Variants in ANK3 observed in about 807,000 individuals in gnomAD.
ANK3 encodes the protein ankyrin 3, also known as ankyrin-3.
A neutral mutation model predicts 370.9 loss-of-function variants in ANK3; 57 were observed. The ratio of observed to expected loss-of-function variants is 0.15; its 90% CI spans 0.12 to 0.19. The LOEUF is 0.19. Ranked by LOEUF, ANK3 falls within the 10% of genes least tolerant of loss-of-function variation. The pLI, the probability that ANK3 is intolerant of heterozygous loss-of-function variation, is 1.00. For missense variants in ANK3, 4,439 were observed against 5,302.1 expected (o/e 0.84, Z 5.06); for synonymous variants, 1,929 against 1,946.3 (o/e 0.99, Z 0.23).
At chr10:60,263,120 A>G (rs2097832757) in intron 6 of ANK3, among the ~76,000 whole-genome samples, 1 of 152,166 alleles carries the variant, frequency 6.6e-6, no homozygotes, top group African/African-American at 2.4e-5. Flanking sequence ...GCATATATAT[A>G]TATACCTCTG....
At chr10:60,632,892 A>C (rs980505245) in intron 1 of ANK3, among the ~76,000 whole-genome samples, 12 of 102,230 alleles carry the variant, frequency 1.2e-4, no homozygotes, top group African/African-American at 3.6e-4. Context: ...CAAAAACAAA[A>C]AAATAAAAAA....
At chr10:60,144,059 AC>A in intron 23 of ANK3, 1 of 269,964 alleles carries the variant, frequency 3.7e-6, no homozygotes, top group Non-Finnish European at 7.2e-6. Flanking sequence ...GAATGAAGAC[AC>A]CATCTTGGAC....
At chr10:60,632,925 C>A (rs552192806) in intron 1 of ANK3, among the ~76,000 whole-genome samples, 58 of 151,408 alleles carry the variant, frequency 3.8e-4, no homozygotes, top group Admixed American at 9.9e-4. Flanking sequence ...CATACTTATT[C>A]TTGCTTTGAT....
At chr10:60,506,812 T>G (rs1035213914) in intron 2 of ANK3, among the ~76,000 whole-genome samples, 1 of 152,130 alleles carries the variant, frequency 6.6e-6, no homozygotes, top group Non-Finnish European at 1.5e-5. Flanking sequence ...CCCAGTTCTC[T>G]CAAGGCCTCA....
chr10:60,413,242 T>C (rs140042165), intron 2 of ANK3, among the ~76,000 whole-genome samples: 182 of 152,356 alleles, frequency 1.2e-3, no homozygotes, highest in African/African-American at 4.1e-3. Flanking sequence ...AAGAAGTCTA[T>C]TTCCTCTTCT....
chr10:60,592,530 C>T (rs929414449), intron 2 of ANK3, among the ~76,000 whole-genome samples: 4 of 152,134 alleles, frequency 2.6e-5, no homozygotes, highest in Admixed American at 6.5e-5. Flanking sequence ...GAGGCCAAGG[C>T]GGGTGGATCA....
intron 40 of ANK3, chr10:60,059,872 T>C (rs1237365545): frequency 1.2e-6 from 2 of 1,614,240 alleles, no homozygotes; most frequent in Non-Finnish European, 1.7e-6. Context: ...AGCCCATCAC[T>C]CAGTCTACTA....
intron 2 of ANK3, among the ~76,000 whole-genome samples, chr10:60,405,006 A>T (rs577212382): frequency 2.0e-5 from 3 of 152,330 alleles, no homozygotes; most frequent in Admixed American, 2.0e-4. Flanking sequence ...GAAAGGCTAA[A>T]ATTAAAGACT....
intron 8 of ANK3, among the ~76,000 whole-genome samples, chr10:60,219,180 T>C (rs907982794): frequency 6.6e-6 from 1 of 152,094 alleles, no homozygotes; most frequent in Non-Finnish European, 1.5e-5. Flanking sequence ...GCAATTCCTC[T>C]AACCTTTTAT....
intron 1 of ANK3, among the ~76,000 whole-genome samples, chr10:60,383,105 C>T (rs996934610): frequency 1.3e-5 from 2 of 151,954 alleles, no homozygotes; most frequent in Non-Finnish European, 2.9e-5. Context: ...AAACTTACAA[C>T]CACACAGGCC....
chr10:60,377,174 G>T (rs2060899968), intron 1 of ANK3, among the ~76,000 whole-genome samples: 1 of 152,198 alleles, frequency 6.6e-6, no homozygotes, highest in African/African-American at 2.4e-5. Context: ...GCAGGTCCTT[G>T]CAGAAGAGGG....
rs143105069 is a variant in ANK3 at position 60,211,197 on chromosome 10, C to T, written c.996+2215G>A. On this transcript the variant is annotated intron_variant, in intron 9 of 43. Transcript: ENST00000280772. ...TGTATGGAGCCGTCAGGTCTCCAGG[C>T]CCTTCCCAACTCAGCAAAGTCAGGT... is the stretch of plus-strand genomic sequence containing the variant. Among the ~76,000 whole-genome samples, 760 of 152,232 alleles carry T rather than the reference C, an allele frequency of 5.0e-3. 3 individuals carry two copies. The highest frequency in any genetic ancestry group is 0.016 in the African/African-American group (673 of 41,530).
chr10:60,036,222 A>G (rs2131846246), intron 43 of ANK3, among the ~76,000 whole-genome samples: 1 of 152,240 alleles, frequency 6.6e-6, no homozygotes, highest in Admixed American at 6.5e-5. Flanking sequence ...GATTTCAGAC[A>G]CTGCTGTTCT....
rs372831440 is a variant in ANK3 at position 60,073,767 on chromosome 10, G to A, written c.7114C>T (p.Leu2372=). ...QKDLSRGDIN[L]KDFLPEKHDA... ...TGTTTTTCTGGCAGAAAATCTTTTAGGTTAATATCTCCCCGGGATAAGTCT... is the reference window on the plus strand; with the variant it reads ...TGTTTTTCTGGCAGAAAATCTTTTAAGTTAATATCTCCCCGGGATAAGTCT... The change falls in exon 37 of 44, where the codon CTA becomes TTA. Residue 2372 remains leucine, a synonymous_variant. Transcript: ENST00000280772. The A allele has an allele frequency of 4.3e-6, 7 of 1,613,656 alleles. 1 individual carries two copies. The East Asian group carries it at 1.1e-4, about 26-fold the overall frequency.
At chr10:60,642,445 T>C (rs952556257) in intron 1 of ANK3, among the ~76,000 whole-genome samples, 1 of 152,180 alleles carries the variant, frequency 6.6e-6, no homozygotes, top group African/African-American at 2.4e-5. Flanking sequence ...TGGAATACTA[T>C]GCAGCTATAA....
chr10:60,039,761 G>A (rs549737601), intron 43 of ANK3, among the ~76,000 whole-genome samples: 96 of 152,152 alleles, frequency 6.3e-4, no homozygotes, highest in Admixed American at 2.2e-3. Flanking sequence ...TTGTTTTGGG[G>A]ATTTCCTAAG....
intron 2 of ANK3, among the ~76,000 whole-genome samples, chr10:60,558,212 G>A (rs1036860573): frequency 2.0e-5 from 3 of 152,078 alleles, no homozygotes; most frequent in East Asian, 1.9e-4. Flanking sequence ...TCATTCAACC[G>A]CATTTCTGAT....
intron 1 of ANK3, among the ~76,000 whole-genome samples, chr10:60,709,311 C>G (rs1277071836): frequency 6.6e-6 from 1 of 151,346 alleles, no homozygotes; most frequent in African/African-American, 2.4e-5. Context: ...ATATCTATAT[C>G]TATATCTATA....
At chr10:60,685,761 A>T (rs553643597) in intron 1 of ANK3, among the ~76,000 whole-genome samples, 43 of 152,318 alleles carry the variant, frequency 2.8e-4, no homozygotes, top group Non-Finnish European at 5.3e-4. Context: ...TTTCCATAAG[A>T]TGATAGTTGG....
Sources: allele counts gnomAD v4.1 joint callset (sites outside exome capture counted in the v4.1 genomes callset), GRCh38; gene constraint gnomAD v4.1.1; transcripts MANE v1.5; gene names NCBI Gene and HGNC (gene_info 2026-07-23, HGNC 2026-07-21).